The following CNGA3 variants were observed in gnomAD, a reference collection of about 807,000 sequenced individuals.
CNGA3 encodes cyclic nucleotide-gated channel alpha-3.
Under a neutral mutation model 46.6 loss-of-function variants are expected in CNGA3, and 42 were observed. That is an observed-to-expected ratio of 0.90 (90% confidence interval 0.70 to 1.17). The LOEUF (loss-of-function observed/expected upper bound fraction) is 1.17, where lower values mean the gene tolerates loss of function less well. CNGA3 is among the 50% of genes most tolerant of loss of function. The pLI, the probability that CNGA3 is intolerant of heterozygous loss-of-function variation, is 0.00. For synonymous variants in CNGA3, 394 were observed against 369.4 expected (o/e 1.07, Z -0.76); for missense variants, 893 against 890.7 (o/e 1.00, Z -0.03).
intron 1 of CNGA3, 147 bp downstream of exon 1, chr2:98,346,681 T>C: frequency 2.6e-6 from 1 of 389,184 alleles, no homozygotes; most frequent in Non-Finnish European, 4.5e-6. Flanking sequence ...CGCGGCGCTG[T>C]CCGCAGCCCC....
rs140592088 is a variant in CNGA3 at position 98,359,398 on chromosome 2, C to A, written c.-37-10541C>A. On this transcript the variant is annotated intron_variant, in intron 1 of 7. Transcript: ENST00000272602. ...AGTACATGGGTTACCCAGCATGCAGCTGGTTGCCATAGCAATGGCTGGACT... is the reference window on the plus strand; with the variant it reads ...AGTACATGGGTTACCCAGCATGCAGATGGTTGCCATAGCAATGGCTGGACT... Among the ~76,000 whole-genome samples the A allele has an allele frequency of 9.6e-4, 146 of 152,346 alleles. 2 individuals carry two copies. The highest frequency in any genetic ancestry group is 3.2e-3 in the African/African-American group (132 of 41,572).
intron 7 of CNGA3, among the ~76,000 whole-genome samples, chr2:98,394,841 A>G (rs780226646): frequency 3.9e-5 from 6 of 152,208 alleles, no homozygotes; most frequent in Non-Finnish European, 7.3e-5. Context: ...CTGTAATTTC[A>G]CATGCTTACT....
intron 3 of CNGA3, chr2:98,378,202 C>T (rs1235579747): frequency 1.9e-6 from 3 of 1,549,392 alleles, no homozygotes; most frequent in African/African-American, 1.4e-5. Context: ...CTCCCGGGTG[C>T]TCGTCTGGAC....
Position 98,378,342 on chromosome 2 carries a change from C to T in CNGA3, c.215+542C>T, listed in dbSNP as rs533046444. On this transcript the variant is annotated intron_variant, in intron 3 of 7. Transcript: ENST00000272602. Reference sequence around the variant, plus strand: ...GCTCCATCCTGAGGAAGTCATTTCACCTTTTCAAATCTCATCTAGAAATGC... The same window carrying T: ...GCTCCATCCTGAGGAAGTCATTTCATCTTTTCAAATCTCATCTAGAAATGC... 4 of 1,045,662 alleles carry T rather than the reference C, an allele frequency of 3.8e-6. No homozygotes were observed. The Admixed American group carries it at 1.2e-4, about 33-fold the overall frequency. The allele number at this position is 1,045,662 out of a possible 1,614,324, so 64.8% of individuals were successfully genotyped here. A position where few individuals can be genotyped will look rare whatever the true frequency, so the allele number is the denominator to read the frequency against.
intron 7 of CNGA3, among the ~76,000 whole-genome samples, chr2:98,392,563 A>G (rs1300227717): frequency 2.6e-5 from 4 of 151,536 alleles, no homozygotes; most frequent in Non-Finnish European, 4.4e-5. Flanking sequence ...TCTGTCTCAA[A>G]AAAAGAAAAA....
At chr2:98,347,803 A>G (rs1432947904) in intron 1 of CNGA3, among the ~76,000 whole-genome samples, 1 of 152,180 alleles carries the variant, frequency 6.6e-6, no homozygotes, top group Admixed American at 6.5e-5. Context: ...TCCATCCCGG[A>G]GTGGACAGCT....
intron 1 of CNGA3, among the ~76,000 whole-genome samples, chr2:98,357,258 A>G (rs1356746016): frequency 2.0e-5 from 3 of 152,236 alleles, no homozygotes; most frequent in Non-Finnish European, 4.4e-5. Flanking sequence ...GGCCAATGAC[A>G]GTGGAGAGAG....
At position 98,397,043 on chromosome 2, in the gene CNGA3, G is replaced by A. The variant is rs766053241; in HGVS notation, c.1873G>A (p.Asp625Asn). ...GGCCAGGGCGGGCGCGGACCCCAAG[G>A]ACCTTGAGGAGAAAGTGGAGCAGCT... is the stretch of plus-strand genomic sequence containing the variant. Reference protein sequence around the residue: ...ELARAGADPKDLEEKVEQLGS... With the variant: ...ELARAGADPKNLEEKVEQLGS... The change falls in exon 8 of 8, where the codon GAC (aspartate) becomes AAC (asparagine). Residue 625 changes from aspartate (D) to asparagine (N), a missense_variant. Physicochemically the swap from Asp to Asn is conservative, Grantham distance 23. Coordinates refer to ENST00000272602, the MANE Select transcript of CNGA3 (RefSeq NM_001298.3). 5 of 1,614,132 alleles carry A rather than the reference G, an allele frequency of 3.1e-6. No homozygotes were observed. The highest frequency in any genetic ancestry group is 4.2e-6 in the Non-Finnish European group (5 of 1,180,016).
chr2:98,388,315 C>T (rs1218743204), intron 5 of CNGA3, among the ~76,000 whole-genome samples: 1 of 152,232 alleles, frequency 6.6e-6, no homozygotes. Flanking sequence ...AGAAAAGCTA[C>T]CTAAAACACG....
intron 1 of CNGA3, among the ~76,000 whole-genome samples, chr2:98,355,419 G>A (rs988745568): frequency 4.6e-5 from 7 of 152,076 alleles, no homozygotes; most frequent in African/African-American, 1.7e-4. Flanking sequence ...GGACCCTCAG[G>A]TGTAATATTT....
intron 3 of CNGA3, among the ~76,000 whole-genome samples, chr2:98,379,333 G>T (rs530391891): frequency 1.3e-5 from 2 of 152,250 alleles, no homozygotes; most frequent in Non-Finnish European, 2.9e-5. Context: ...GGGACACCCC[G>T]TCCAGGGGAG....
chr2:98,368,206 G>A (rs769915868), intron 1 of CNGA3, among the ~76,000 whole-genome samples: 3 of 152,240 alleles, frequency 2.0e-5, no homozygotes, highest in African/African-American at 4.8e-5. Flanking sequence ...CTGCCCTTTT[G>A]TAACTGGCAG....
chr2:98,367,499 C>T (rs1371314413), intron 1 of CNGA3, among the ~76,000 whole-genome samples: 2 of 152,138 alleles, frequency 1.3e-5, no homozygotes, highest in Non-Finnish European at 2.9e-5. Flanking sequence ...CGGCTGACCT[C>T]AGCTGTTTCT....
chr2:98,380,465 C>T (rs1692513225), intron 4 of CNGA3, 111 bp downstream of exon 4: 1 of 1,308,456 alleles, frequency 7.6e-7, no homozygotes, highest in African/African-American at 1.5e-5. Context: ...GGAACGTCAT[C>T]CCCATGAGCT....
rs13019810 is a variant in CNGA3, at chr2:98,346,954, A to G, written c.-38+420A>G. The G allele has an allele frequency of 9.0e-3, 1,362 of 151,856 alleles. 8 individuals are homozygous for G. The highest frequency in any genetic ancestry group is 0.014 in the Non-Finnish European group (982 of 68,048). 9.4% of individuals were successfully genotyped at this position (151,856 alleles called of 1,614,324 possible). On this transcript the variant is annotated intron_variant, in intron 1 of 7. Transcript: ENST00000272602. Reference sequence around the variant, plus strand: ...GGGTAGGGCTTGCAGCCGCGACCCCACCCCATACATTTCCTCCTGTCACGC... The same window carrying G: ...GGGTAGGGCTTGCAGCCGCGACCCCGCCCCATACATTTCCTCCTGTCACGC...
intron 1 of CNGA3, among the ~76,000 whole-genome samples, chr2:98,364,734 T>G (rs1692107555): frequency 6.6e-6 from 1 of 152,156 alleles, no homozygotes; most frequent in East Asian, 1.9e-4. Flanking sequence ...TTTCAGTCTG[T>G]TTTTGTAGTG....
intron 2 of CNGA3, among the ~76,000 whole-genome samples, chr2:98,370,898 T>C (rs1159803586): frequency 1.3e-5 from 2 of 152,180 alleles, no homozygotes; most frequent in African/African-American, 4.8e-5. Context: ...GTAGTGCAAT[T>C]AGTGCAATCT....
At chr2:98,358,587 T>C (rs751353519) in intron 1 of CNGA3, among the ~76,000 whole-genome samples, 98 of 152,288 alleles carry the variant, frequency 6.4e-4, no homozygotes, top group Non-Finnish European at 1.2e-3. Context: ...GTAAACTCCA[T>C]TGGACAAATA....
intron 2 of CNGA3, among the ~76,000 whole-genome samples, chr2:98,374,919 A>G (rs1410465303): frequency 2.0e-5 from 3 of 152,228 alleles, no homozygotes; most frequent in African/African-American, 7.2e-5. Context: ...ACTGAAATCC[A>G]CATGAAATTG....
Sources: gnomAD v4.1 joint callset for allele counts (sites outside exome capture counted in the v4.1 genomes callset) on GRCh38, gnomAD v4.1.1 for gene constraint, MANE v1.5 for transcripts, NCBI Gene and HGNC (gene_info 2026-07-23, HGNC 2026-07-21) for gene names.